Variants in FUT2 observed in about 807,000 individuals in gnomAD.
The protein encoded by FUT2 is fucosyltransferase 2 (H blood group), also known as galactoside alpha-(1,2)-fucosyltransferase 2.
For missense variants in FUT2, 419 were observed against 465.8 expected (o/e 0.90, Z 0.93); for synonymous variants, 182 against 193.1 (o/e 0.94, Z 0.48).
At chr19:48,698,760 G>A (rs2032458610) in intron 1 of FUT2, among the ~76,000 whole-genome samples, 1 of 151,822 alleles carries the variant, frequency 6.6e-6, no homozygotes, top group Non-Finnish European at 1.5e-5. Flanking sequence ...CTCTAAAATA[G>A]AGACAAGTTC....
Position 48,703,347 on chromosome 19 carries a change from G to A in FUT2, c.391G>A (p.Asp131Asn), listed in dbSNP as rs2032558941. The A allele has an allele frequency of 3.1e-6, 5 of 1,612,844 alleles. No homozygotes were observed. In the African/African-American group the frequency reaches 5.3e-5, roughly 17 times the overall value. ...CCCCTGGCAGAACTACCACCTGAAC[G>A]ACTGGATGGAGGAGGAATACCGCCA... ...RIPWQNYHLN[D>N]WMEEEYRHIP... is the part of the protein sequence containing the mutation. Residue 131 changes from aspartate (D) to asparagine (N), a missense_variant, in exon 2 of 2, where the codon GAC becomes AAC. Coordinates refer to ENST00000425340, the MANE Select transcript of FUT2 (RefSeq NM_000511.6).
At chr19:48,699,647 G>A (rs768600608) in intron 1 of FUT2, among the ~76,000 whole-genome samples, 2 of 152,002 alleles carry the variant, frequency 1.3e-5, no homozygotes, top group South Asian at 2.1e-4. Flanking sequence ...AACATTTACC[G>A]CCTGTGTATA....
chr19:48,704,496 G>T lies in FUT2; in HGVS notation c.*508G>T. 2.5e-6 allele frequency: 1 copy of T among 393,236 alleles called. No homozygotes were observed. The highest frequency in any genetic ancestry group is 4.7e-6 in the Non-Finnish European group (1 of 214,346). The allele number at this position is 393,236 out of a possible 1,614,324, so 24.4% of individuals were successfully genotyped here. ...GACCATAATCATGCATATCACATAA[G>T]ACCAGAAGTGGCCCAGGTCCAGGGT... On this transcript the variant is annotated 3_prime_UTR_variant, in exon 2 of 2. Coordinates refer to ENST00000425340, the MANE Select transcript of FUT2 (RefSeq NM_000511.6).
Position 48,703,274 on chromosome 19 carries a change from C to A in FUT2, c.318C>A (p.Ile106=). 1 of 1,613,102 alleles carries A rather than the reference C, an allele frequency of 6.2e-7. No homozygotes were observed. Among genetic ancestry groups the A allele is most frequent in the Non-Finnish European group, 8.5e-7 (1 of 1,180,032 alleles). Reference sequence around the variant, plus strand: ...AGATGCACAGCACCCTGGCCCCCATCTTCAGAATCACCCTGCCGGTGCTGC... The same window carrying A: ...AGATGCACAGCACCCTGGCCCCCATATTCAGAATCACCCTGCCGGTGCTGC... ...PAQMHSTLAP[I]FRITLPVLHS... Residue 106 remains isoleucine (I), a synonymous_variant, in exon 2 of 2, where the codon ATC becomes ATA. Transcript: ENST00000425340.
chr19:48,698,275 C>A (rs1209043610), intron 1 of FUT2, among the ~76,000 whole-genome samples: 3 of 151,954 alleles, frequency 2.0e-5, no homozygotes. Flanking sequence ...CTCTGTGAGG[C>A]CTCCCCACCT....
rs1424483808 is a variant in FUT2, at chr19:48,704,855, G to T, written c.*867G>T. Reference sequence around the variant, plus strand: ...GTTTAGCCTCAGATTCTGCAGCTGAGAAGTTGATCAGCCACCTCTGAAGGA... The same window carrying T: ...GTTTAGCCTCAGATTCTGCAGCTGATAAGTTGATCAGCCACCTCTGAAGGA... On this transcript the variant is annotated 3_prime_UTR_variant, in exon 2 of 2. Transcript: ENST00000425340. 1 of 413,208 alleles carries T rather than the reference G, an allele frequency of 2.4e-6. No individual in the cohort carries two copies. The highest frequency in any genetic ancestry group is 4.4e-6 in the Non-Finnish European group (1 of 226,154). The allele number at this position is 413,208 out of a possible 1,614,324, so 25.6% of individuals were successfully genotyped here.
intron 1 of FUT2, among the ~76,000 whole-genome samples, chr19:48,697,789 G>T (rs2032442006): frequency 1.3e-5 from 2 of 152,054 alleles, no homozygotes; most frequent in African/African-American, 2.4e-5. Flanking sequence ...CCGCCTCCCA[G>T]GTTCAAGCGA....
intron 1 of FUT2, among the ~76,000 whole-genome samples, chr19:48,701,194 T>G (rs1431198678): frequency 6.6e-6 from 1 of 152,008 alleles, no homozygotes; most frequent in Non-Finnish European, 1.5e-5. Context: ...TCCCCCAGGC[T>G]GGAGTGCAGT....
At chr19:48,702,434 A>G (rs1187018298) in intron 1 of FUT2, among the ~76,000 whole-genome samples, 2 of 152,000 alleles carry the variant, frequency 1.3e-5, no homozygotes, top group African/African-American at 2.4e-5. Context: ...TTAATAAACA[A>G]AAAATGCATA....
At chr19:48,697,072 G>A (rs1032554279) in intron 1 of FUT2, among the ~76,000 whole-genome samples, 8 of 152,048 alleles carry the variant, frequency 5.3e-5, no homozygotes, top group Non-Finnish European at 8.8e-5. Flanking sequence ...GGGGCTGGAC[G>A]TGGTGGCTGA....
chr19:48,701,074 A>T (rs144094238), intron 1 of FUT2, among the ~76,000 whole-genome samples: 1 of 152,134 alleles, frequency 6.6e-6, no homozygotes, highest in African/African-American at 2.4e-5. Context: ...GGGTTTAAAC[A>T]GACCCACAGT....
At chr19:48,697,720 T>C (rs962214302) in intron 1 of FUT2, among the ~76,000 whole-genome samples, 1 of 151,864 alleles carries the variant, frequency 6.6e-6, no homozygotes, top group Non-Finnish European at 1.5e-5. Flanking sequence ...TTGAGATGGA[T>C]TTTTGCTCTT....
intron 1 of FUT2, 76 bp from the exon 2 acceptor site, chr19:48,702,879 C>T (rs2032539994): frequency 7.3e-7 from 1 of 1,374,132 alleles, no homozygotes; most frequent in Admixed American, 1.7e-5. Context: ...GCCTGCACAC[C>T]ACCGCATGGC....
In FUT2 at chr19:48,705,839, A is replaced by G. The variant is rs1306570672; in HGVS notation, c.*1851A>G. The G allele has an allele frequency of 6.0e-6, 1 of 166,368 alleles. No homozygotes were observed. The highest frequency in any genetic ancestry group is 1.5e-5 in the Non-Finnish European group (1 of 68,024). 10.3% of individuals were successfully genotyped at this position (166,368 alleles called of 1,614,324 possible). On this transcript the variant is annotated 3_prime_UTR_variant, in exon 2 of 2. Coordinates refer to ENST00000425340, the MANE Select transcript of FUT2 (RefSeq NM_000511.6). ...TGCCAGGAGTTAGGGAATATAGTGC[A>G]CCGTGATTGGACTTGCGAATAGCCA...
At chr19:48,696,987 AGGGGCAGGGCCG>A (rs2032422418) in intron 1 of FUT2, among the ~76,000 whole-genome samples, 1 of 151,868 alleles carries the variant, frequency 6.6e-6, no homozygotes, top group Non-Finnish European at 1.5e-5. Flanking sequence ...CGAGCTGGGA[AGGGGCAGGGCCG>A]GCGCTGGGTG....
rs2032611908 is a variant in FUT2 at position 48,705,085 on chromosome 19, TC to T, written c.*1098del. Reference sequence around the variant, plus strand: ...TTGGCATTGTGTCCACCCAGAGAGCTCACTGTTTTCTTTTCTTTTTCTTTTC... The same window carrying T: ...TTGGCATTGTGTCCACCCAGAGAGCTACTGTTTTCTTTTCTTTTTCTTTTC... On this transcript the variant is annotated 3_prime_UTR_variant, in exon 2 of 2. Coordinates refer to ENST00000425340, the MANE Select transcript of FUT2 (RefSeq NM_000511.6). 2.1e-5 allele frequency: 7 copies of T among 330,598 alleles called. 2 individuals are homozygous for T. Among genetic ancestry groups the T allele is most frequent in the Non-Finnish European group, 3.3e-5 (6 of 179,564 alleles). The allele number at this position is 330,598 out of a possible 1,614,324, so 20.5% of individuals were successfully genotyped here. A position where few individuals can be genotyped will look rare whatever the true frequency, so the allele number is the denominator to read the frequency against.
rs1440339010 is a variant in FUT2, at chr19:48,696,041, G to T, written c.-51G>T. 4 of 152,574 alleles carry T rather than the reference G, an allele frequency of 2.6e-5. No individual in the cohort carries two copies. The highest frequency in any genetic ancestry group is 9.6e-5 in the African/African-American group (4 of 41,470). 9.5% of individuals were successfully genotyped at this position (152,574 alleles called of 1,614,324 possible). On this transcript the variant is annotated 5_prime_UTR_variant, in exon 1 of 2. Transcript: ENST00000425340. The stretch of plus-strand genomic sequence containing the variant: ...ACCCAGAGGGAACACTGAGGTGCCT[G>T]CCCAACCACTCTGTCCCGGTTTCCT...
Position 48,703,309 on chromosome 19 carries a change from C to T in FUT2, c.353C>T (p.Thr118Met), listed in dbSNP as rs760999180. Reference sequence around the variant, plus strand: ...ACCCTGCCGGTGCTGCACAGCGCCACGGCCAGCAGGATCCCCTGGCAGAAC... The same window carrying T: ...ACCCTGCCGGTGCTGCACAGCGCCATGGCCAGCAGGATCCCCTGGCAGAAC... The part of the protein sequence containing the change: ...RITLPVLHSA[T>M]ASRIPWQNYH... The change falls in exon 2 of 2, where the codon ACG becomes ATG. Residue 118 changes from threonine to methionine, a missense_variant. Coordinates refer to ENST00000425340, the MANE Select transcript of FUT2 (RefSeq NM_000511.6). 1.4e-5 allele frequency: 22 copies of T among 1,612,842 alleles called. No individual in the cohort carries two copies. The Admixed American group carries it at 2.3e-4, about 17-fold the overall frequency.
In FUT2 at chr19:48,699,522, T is replaced by C. The variant is rs554413978; in HGVS notation, c.-3+3433T>C. On this transcript the variant is annotated intron_variant, in intron 1 of 1. Transcript: ENST00000425340. Reference sequence around the variant, plus strand: ...TACCTCCCGTTCTATGATCTATGGTTTAAACGCTACATTTGACCACTATCA... The same window carrying C: ...TACCTCCCGTTCTATGATCTATGGTCTAAACGCTACATTTGACCACTATCA... Among the ~76,000 whole-genome samples, 3 of 152,120 alleles carry C rather than the reference T, an allele frequency of 2.0e-5. No individual in the cohort carries two copies. The South Asian group carries it at 6.3e-4, about 32-fold the overall frequency.
Sources: gnomAD v4.1 joint callset for allele counts (sites outside exome capture counted in the v4.1 genomes callset) on GRCh38, gnomAD v4.1.1 for gene constraint, MANE v1.5 for transcripts, NCBI Gene and HGNC (gene_info 2026-07-23, HGNC 2026-07-21) for gene names.